PCDH15: variants seen among roughly 807,000 people sequenced by gnomAD.
The protein encoded by PCDH15 is protocadherin related 15.
A neutral mutation model predicts 178.5 loss-of-function variants in PCDH15; 129 were observed. The observed-to-expected ratio is 0.72, with a 90% CI of 0.63 to 0.84. The LOEUF (loss-of-function observed/expected upper bound fraction) is 0.84. Among genes scored for constraint, PCDH15 ranks in the 40% least tolerant of loss-of-function variants. The pLI, the probability that PCDH15 is intolerant of heterozygous loss-of-function variation, is 0.00. For missense variants in PCDH15, 2,230 were observed against 2,099.9 expected (o/e 1.06, Z -1.21); for synonymous variants, 800 against 732.0 (o/e 1.09, Z -1.50).
At chr10:55,352,383 T>C (rs1383087328) in intron 2 of PCDH15, among the ~76,000 whole-genome samples, 1 of 152,094 alleles carries the variant, frequency 6.6e-6, no homozygotes, top group Non-Finnish European at 1.5e-5. Flanking sequence ...TGCATTTGGC[T>C]CAGGAGTTGC....
intron 5 of PCDH15, among the ~76,000 whole-genome samples, chr10:54,364,675 G>A (rs1257376966): frequency 6.6e-6 from 1 of 151,740 alleles, no homozygotes; most frequent in African/African-American, 2.4e-5. Flanking sequence ...TTCTATTGCT[G>A]TCATAAAAAT....
rs527525146 is a variant in PCDH15 at position 53,887,549 on chromosome 10, A to G, written c.3501+15694T>C. ...AGCTTCACGTTTCTTCTTTGTTTCTACAGTACTCTCATGAAAATTCAATTC... is the reference window on the plus strand; with the variant it reads ...AGCTTCACGTTTCTTCTTTGTTTCTGCAGTACTCTCATGAAAATTCAATTC... On this transcript the variant is annotated intron_variant, in intron 26 of 37. Transcript: ENST00000644397. 7.2e-5 allele frequency among the ~76,000 whole-genome samples: 11 copies of G among 152,310 alleles called. No homozygotes were observed. In the South Asian group the frequency reaches 1.2e-3, roughly 17 times the overall value.
In PCDH15 at chr10:54,296,123, C is replaced by T. The variant is rs368362199; in HGVS notation, c.876+21148G>A. Among the ~76,000 whole-genome samples the T allele has an allele frequency of 8.2e-3, 898 of 109,074 alleles. 36 individuals are homozygous for T. In the Admixed American group the frequency reaches 0.094, roughly 11 times the overall value. The allele number at this position is 109,074 out of a possible 152,430, so 71.6% of individuals were successfully genotyped here. On this transcript the variant is annotated intron_variant, in intron 8 of 37. Transcript: ENST00000644397. Reference sequence around the variant, plus strand: ...TCCCGCCACTGCACTCCAGCCTGGGCGACAGAGCGAGACTCCGTCTCAAAA... The same window carrying T: ...TCCCGCCACTGCACTCCAGCCTGGGTGACAGAGCGAGACTCCGTCTCAAAA...
intron 8 of PCDH15, among the ~76,000 whole-genome samples, chr10:54,243,688 T>C (rs2055639813): frequency 6.6e-6 from 1 of 152,202 alleles, no homozygotes; most frequent in Non-Finnish European, 1.5e-5. Context: ...ATAAATACAA[T>C]TATATGTTAC....
intron 2 of PCDH15, among the ~76,000 whole-genome samples, chr10:54,947,597 A>G (rs934499801): frequency 6.6e-6 from 1 of 151,776 alleles, no homozygotes; most frequent in Non-Finnish European, 1.5e-5. Context: ...TTTAATGTCT[A>G]TATATGTGTG....
intron 2 of PCDH15, among the ~76,000 whole-genome samples, chr10:54,657,318 C>G (rs921219826): frequency 6.6e-6 from 1 of 152,322 alleles, no homozygotes; most frequent in East Asian, 1.9e-4. Flanking sequence ...TCCATTGAAA[C>G]ATTGCCACAG....
In PCDH15 at chr10:54,998,228, T is replaced by TA. The variant is rs540915212; in HGVS notation, c.-79-100729dup. ...GGTTACTTTTAAAAAATATATAGAA[T>TA]AAAACAGAAATTCCAAGTATGTCAT... On this transcript the variant is annotated intron_variant, in intron 2 of 5. Transcript: ENST00000458638. 1.7e-3 allele frequency among the ~76,000 whole-genome samples: 257 copies of TA among 152,190 alleles called. 1 individual carries two copies. Among genetic ancestry groups the TA allele is most frequent in the African/African-American group, 5.8e-3 (243 of 41,562 alleles).
intron 3 of PCDH15, among the ~76,000 whole-genome samples, chr10:54,849,579 T>C (rs185313400): frequency 1.4e-4 from 21 of 152,314 alleles, no homozygotes; most frequent in Non-Finnish European, 2.8e-4. Context: ...TGGCCATCCA[T>C]ATAATACTAA....
chr10:54,655,256 A>AAGAAAGAGAGAGAGAGAGAG (rs1189030773), intron 2 of PCDH15, among the ~76,000 whole-genome samples: 1 of 48,908 alleles, frequency 2.0e-5, no homozygotes, highest in Non-Finnish European at 3.8e-5. Context: ...GAAAGAAAGA[A>AAGAAAGAGAGAGAGAGAGAG]AGAGAGAGAG....
intron 2 of PCDH15, among the ~76,000 whole-genome samples, chr10:55,442,474 A>AC (rs1839214713): frequency 9.9e-6 from 1 of 100,552 alleles, no homozygotes; most frequent in South Asian, 2.7e-4. Context: ...TATATATTAT[A>AC]TATATATTAT....
intron 2 of PCDH15, among the ~76,000 whole-genome samples, chr10:55,019,555 G>A (rs1452433084): frequency 6.6e-6 from 1 of 151,886 alleles, no homozygotes; most frequent in Non-Finnish European, 1.5e-5. Context: ...GTGCCATCTG[G>A]CCCTCTTCAT....
intron 2 of PCDH15, among the ~76,000 whole-genome samples, chr10:54,989,592 A>G (rs1427633661): frequency 6.6e-6 from 1 of 152,184 alleles, no homozygotes; most frequent in East Asian, 1.9e-4. Context: ...TTGGACTTGC[A>G]TGGGGCCTGT....
intron 3 of PCDH15, among the ~76,000 whole-genome samples, chr10:54,822,700 G>T (rs1042809335): frequency 1.3e-5 from 2 of 151,478 alleles, no homozygotes; most frequent in Admixed American, 1.3e-4. Context: ...ATTTTTTTGA[G>T]GAACCTCCAT....
intron 14 of PCDH15, among the ~76,000 whole-genome samples, chr10:54,151,829 G>A (rs896002953): frequency 6.6e-6 from 1 of 152,032 alleles, no homozygotes; most frequent in African/African-American, 2.4e-5. Context: ...TAAAGTCAAA[G>A]AGAAAACTTA....
chr10:54,413,464 TAC>T (rs1239385982), intron 3 of PCDH15, among the ~76,000 whole-genome samples: 1 of 152,188 alleles, frequency 6.6e-6, no homozygotes, highest in Non-Finnish European at 1.5e-5. Flanking sequence ...TGATTTTATG[TAC>T]ACTACTATTT....
intron 13 of PCDH15, among the ~76,000 whole-genome samples, chr10:54,170,988 C>T (rs1243412390): frequency 6.6e-6 from 1 of 152,122 alleles, no homozygotes; most frequent in East Asian, 1.9e-4. Flanking sequence ...ATTAGCTTTA[C>T]TCAACATGCC....
At chr10:55,079,160 C>G (rs2132023528) in intron 2 of PCDH15, among the ~76,000 whole-genome samples, 1 of 152,152 alleles carries the variant, frequency 6.6e-6, no homozygotes, top group South Asian at 2.1e-4. Context: ...GGGTATATCC[C>G]ACTTCCTTAC....
At chr10:54,040,757 G>C (rs1214079153) in intron 18 of PCDH15, among the ~76,000 whole-genome samples, 7 of 152,014 alleles carry the variant, frequency 4.6e-5, no homozygotes, top group African/African-American at 9.7e-5. Context: ...ATTACCACTA[G>C]AGTGTCACAC....
At chr10:55,371,965 C>T (rs1182615107) in intron 2 of PCDH15, among the ~76,000 whole-genome samples, 1 of 152,118 alleles carries the variant, frequency 6.6e-6, no homozygotes, top group East Asian at 1.9e-4. Context: ...GGTAATTTCT[C>T]TAAATAGAAA....
Sources: allele counts gnomAD v4.1 joint callset (sites outside exome capture counted in the v4.1 genomes callset), GRCh38; gene constraint gnomAD v4.1.1; transcripts MANE v1.5; gene names NCBI Gene and HGNC (gene_info 2026-07-23, HGNC 2026-07-21).